The following TBCK variants were observed in gnomAD, a reference collection of about 807,000 sequenced individuals.
TBCK encodes TBC domain-containing protein kinase-like protein.
In TBCK, 99 loss-of-function variants were observed where a neutral mutation model predicts 113.4. The observed-to-expected ratio is 0.87, with a 90% CI of 0.74 to 1.03. The LOEUF (loss-of-function observed/expected upper bound fraction) is 1.03. Ranked by LOEUF, TBCK falls within the 50% of genes least tolerant of loss-of-function variation. The probability of loss-of-function intolerance (pLI) is 0.00; values close to 1 mark genes in which losing one functional copy is unlikely to be tolerated. For synonymous variants in TBCK, 369 were observed against 370.8 expected (o/e 1.00, Z 0.05); for missense variants, 1,045 against 1,061.3 (o/e 0.98, Z 0.21).
intron 1 of TBCK, among the ~76,000 whole-genome samples, chr4:106,310,883 A>T (rs1768130457): frequency 6.7e-6 from 1 of 149,638 alleles, no homozygotes; most frequent in Non-Finnish European, 1.5e-5. Flanking sequence ...TAACAAACAT[A>T]GAGAGATTTG....
At chr4:106,233,097 G>A (rs760978007) in intron 16 of TBCK, 33 bp from the exon 17 acceptor site, 9 of 1,582,452 alleles carry the variant, frequency 5.7e-6, no homozygotes, top group Non-Finnish European at 7.8e-6. Flanking sequence ...AGGTGAAACA[G>A]TAATTGTGTA....
intron 25 of TBCK, among the ~76,000 whole-genome samples, chr4:106,073,773 G>A (rs1262473751): frequency 1.3e-5 from 2 of 152,162 alleles, no homozygotes; most frequent in Non-Finnish European, 1.5e-5. Context: ...GCTCCACCCA[G>A]TTTGAGCTTC....
rs531154795 is a variant in TBCK at position 106,131,597 on chromosome 4, A to G, written c.2236-15219T>C. On this transcript the variant is annotated intron_variant, in intron 23 of 25. Transcript: ENST00000394708. ...CACTGCACTCCAGCCTGGGCAACAA[A>G]AGCAAAACTCCATCTCAAAAAATAA... 5.4e-3 allele frequency among the ~76,000 whole-genome samples: 822 copies of G among 152,258 alleles called. 2 individuals are homozygous for G. The highest frequency in any genetic ancestry group is 8.8e-3 in the Non-Finnish European group (596 of 68,018).
At chr4:106,159,047 C>G (rs1336858519) in intron 23 of TBCK, among the ~76,000 whole-genome samples, 1 of 144,804 alleles carries the variant, frequency 6.9e-6, no homozygotes, top group Non-Finnish European at 1.5e-5. Flanking sequence ...AAAAAAAAAA[C>G]AACCACATGA....
intron 24 of TBCK, among the ~76,000 whole-genome samples, chr4:106,107,838 A>C (rs1459617896): frequency 6.6e-6 from 1 of 152,172 alleles, no homozygotes; most frequent in African/African-American, 2.4e-5. Flanking sequence ...AAGAGCAATA[A>C]ATTCAGGAGT....
At chr4:106,205,914 AT>A (rs1755448737) in intron 20 of TBCK, among the ~76,000 whole-genome samples, 1 of 152,186 alleles carries the variant, frequency 6.6e-6, no homozygotes, top group Non-Finnish European at 1.5e-5. Flanking sequence ...GTAAAAGATT[AT>A]AAAAAGGTAA....
At position 106,252,015 on chromosome 4, in the gene TBCK, G is replaced by T. The variant is rs772800473; in HGVS notation, c.456-8C>A. On this transcript the variant is annotated splice_region_variant and splice_polypyrimidine_tract_variant and intron_variant, in intron 5 of 25. Coordinates refer to ENST00000394708, the MANE Select transcript of TBCK (RefSeq NM_001163435.3). ...GCCAAGTACGAGGGATACCTGTAAT[G>T]ATACATTAAAATAATGAAAAATTAC... The T allele has an allele frequency of 1.3e-6, 2 of 1,583,196 alleles. No individual in the cohort carries two copies.
chr4:106,113,514 G>A (rs1329811788), intron 24 of TBCK, among the ~76,000 whole-genome samples: 1 of 152,160 alleles, frequency 6.6e-6, no homozygotes, highest in Non-Finnish European at 1.5e-5. Flanking sequence ...GTTAACATGT[G>A]GGAGAGGATA....
At chr4:106,186,231 T>A (rs1028809503) in intron 22 of TBCK, among the ~76,000 whole-genome samples, 1 of 152,216 alleles carries the variant, frequency 6.6e-6, no homozygotes, top group Non-Finnish European at 1.5e-5. Context: ...TGATTTATAA[T>A]CCTTTGGGTA....
At chr4:106,073,949 C>A (rs931308998) in intron 25 of TBCK, among the ~76,000 whole-genome samples, 1 of 152,186 alleles carries the variant, frequency 6.6e-6, no homozygotes, top group Non-Finnish European at 1.5e-5. Context: ...TCCTGGAGTG[C>A]CGTTTGCTAA....
intron 20 of TBCK, among the ~76,000 whole-genome samples, chr4:106,197,882 T>C (rs894544612): frequency 2.6e-5 from 4 of 152,178 alleles, no homozygotes; most frequent in Non-Finnish European, 4.4e-5. Context: ...TTTCTATCCA[T>C]TCATACTGAA....
intron 25 of TBCK, among the ~76,000 whole-genome samples, chr4:106,061,608 C>CA (rs1736061245): frequency 6.6e-6 from 1 of 151,168 alleles, no homozygotes; most frequent in Non-Finnish European, 1.5e-5. Context: ...ATATTTGCCT[C>CA]ATTGGGTTGG....
chr4:106,284,695 T>C (rs1185459949), intron 3 of TBCK, among the ~76,000 whole-genome samples: 4 of 152,196 alleles, frequency 2.6e-5, no homozygotes, highest in Non-Finnish European at 4.4e-5. Context: ...GATACTTTCA[T>C]AGGTTAAGCA....
At position 106,215,089 on chromosome 4, in the gene TBCK, C is replaced by T. The variant is rs549861399; in HGVS notation, c.1775-2254G>A. Among the ~76,000 whole-genome samples, 678 of 150,590 alleles carry T rather than the reference C, an allele frequency of 4.5e-3. 3 individuals are homozygous for T. The highest frequency in any genetic ancestry group is 0.016 in the African/African-American group (654 of 40,632). ...CATTCTTAAAGAAAAGAATTTTCAA[C>T]CTAGAATTTCATATCCAGCCAAACT... On this transcript the variant is annotated intron_variant, in intron 19 of 25. Transcript: ENST00000394708.
chr4:106,198,867 A>G (rs1282948917), intron 20 of TBCK, among the ~76,000 whole-genome samples: 1 of 152,156 alleles, frequency 6.6e-6, no homozygotes, highest in Non-Finnish European at 1.5e-5. Flanking sequence ...AAGTACGACA[A>G]TACAAGTTCT....
At chr4:106,305,197 A>T (rs1767385719) in intron 2 of TBCK, among the ~76,000 whole-genome samples, 1 of 152,116 alleles carries the variant, frequency 6.6e-6, no homozygotes, top group African/African-American at 2.4e-5. Context: ...TGTACTATAT[A>T]TAAAATACTG....
chr4:106,116,971 C>T (rs968259548), intron 23 of TBCK, among the ~76,000 whole-genome samples: 3 of 149,538 alleles, frequency 2.0e-5, no homozygotes, highest in African/African-American at 7.5e-5. Context: ...ATCCTGAAAT[C>T]ATCCCCCCCC....
intron 2 of TBCK, among the ~76,000 whole-genome samples, chr4:106,297,008 T>C (rs1475796107): frequency 1.3e-5 from 2 of 152,156 alleles, no homozygotes; most frequent in Non-Finnish European, 2.9e-5. Context: ...TGCATTCCTT[T>C]GCTTTTCATC....
chr4:106,090,597 T>C (rs1740106117), intron 25 of TBCK, among the ~76,000 whole-genome samples: 1 of 152,198 alleles, frequency 6.6e-6, no homozygotes, highest in Non-Finnish European at 1.5e-5. Flanking sequence ...CTTTTAAATA[T>C]AACTTTAAGT....
Sources: gnomAD v4.1 joint callset for allele counts (sites outside exome capture counted in the v4.1 genomes callset) on GRCh38, gnomAD v4.1.1 for gene constraint, MANE v1.5 for transcripts, NCBI Gene and HGNC (gene_info 2026-07-23, HGNC 2026-07-21) for gene names.